The following DDR2 variants were observed in gnomAD, a reference collection of about 807,000 sequenced individuals.
DDR2 encodes discoidin domain-containing receptor 2.
A neutral mutation model predicts 94.9 loss-of-function variants in DDR2; 27 were observed. The ratio of observed to expected loss-of-function variants is 0.28; its 90% CI spans 0.21 to 0.39. The LOEUF (loss-of-function observed/expected upper bound fraction) is 0.39. DDR2 is among the 10% of genes least tolerant of loss of function. The probability of loss-of-function intolerance (pLI) is 1.00; values close to 1 mark genes in which losing one functional copy is unlikely to be tolerated. For missense variants in DDR2, 783 were observed against 1,076.0 expected, an observed-to-expected ratio of 0.73 and a Z score of 3.81; for synonymous variants, 382 against 377.2, an observed-to-expected ratio of 1.01 and a Z score of -0.15.
chr1:162,770,620 A>G (rs1399389393), intron 12 of DDR2, 108 bp downstream of exon 12: 2 of 1,114,550 alleles, frequency 1.8e-6, no homozygotes, highest in Admixed American at 3.9e-5. Context: ...AGTCTCTGCT[A>G]ACCTCCTGAG....
intron 11 of DDR2, 135 bp from the exon 12 acceptor site, chr1:162,770,167 G>C (rs969548175): frequency 7.1e-6 from 6 of 849,020 alleles, no homozygotes; most frequent in Admixed American, 1.7e-5. Flanking sequence ...TGCATTCCTA[G>C]CACGTGCAGT....
intron 3 of DDR2, among the ~76,000 whole-genome samples, chr1:162,736,890 G>A (rs1357347785): frequency 6.6e-6 from 1 of 152,230 alleles, no homozygotes; most frequent in African/African-American, 2.4e-5. Flanking sequence ...GGAACAACAA[G>A]GAGGCCAGTG....
At chr1:162,694,385 C>T (rs982767157) in intron 2 of DDR2, among the ~76,000 whole-genome samples, 2 of 152,054 alleles carry the variant, frequency 1.3e-5, no homozygotes, top group Non-Finnish European at 2.9e-5. Flanking sequence ...GAGGAAAGGC[C>T]CTTTAGTCTC....
At chr1:162,727,099 A>AAAATATAAACATATTTATATTTTGT in intron 3 of DDR2, among the ~76,000 whole-genome samples, 1 of 132,564 alleles carries the variant, frequency 7.5e-6, no homozygotes, top group African/African-American at 2.6e-5. Context: ...TTAATACATT[A>AAAATATAAACATATTTATATTTTGT]AAATATAAAC....
rs553461934 is a variant in DDR2, at chr1:162,763,694, G to C, written c.1099+2240G>C. On this transcript the variant is annotated intron_variant, in intron 9 of 17. Transcript: ENST00000367921. Reference sequence around the variant, plus strand: ...AATGGTATTTAGAAAACACAAACTGGGTAGTAGGGATGCTCATTACTAATA... The same window carrying C: ...AATGGTATTTAGAAAACACAAACTGCGTAGTAGGGATGCTCATTACTAATA... Among the ~76,000 whole-genome samples the C allele has an allele frequency of 5.7e-4, 87 of 151,968 alleles. 1 individual carries two copies. The highest frequency in any genetic ancestry group is 1.9e-3 in the African/African-American group (80 of 41,426).
chr1:162,753,264 T>C, intron 4 of DDR2, 67 bp downstream of exon 4: 1 of 1,435,302 alleles, frequency 7.0e-7, no homozygotes, highest in Non-Finnish European at 9.8e-7. Context: ...CACAGATTCC[T>C]GACCCTAGGG....
chr1:162,667,676 A>G (rs1012316637), intron 2 of DDR2, among the ~76,000 whole-genome samples: 10 of 152,210 alleles, frequency 6.6e-5, no homozygotes, highest in Admixed American at 6.6e-4. Flanking sequence ...TGTTTTATGC[A>G]ATGTTCTCAA....
intron 2 of DDR2, among the ~76,000 whole-genome samples, chr1:162,708,548 A>G (rs542786707): frequency 7.2e-5 from 11 of 152,292 alleles, no homozygotes; most frequent in South Asian, 6.2e-4. Context: ...CACTCACGGT[A>G]TTGATCAAGC....
rs1345633048 is a variant in DDR2 at position 162,780,909 on chromosome 1, A to G, written c.*663A>G. ...TCATATATGAAACAACTGGGGATGT[A>G]GATAGGAAAGAATGTCTGCTGCAAG... On this transcript the variant is annotated 3_prime_UTR_variant, in exon 18 of 18. Transcript: ENST00000367921. 3 of 152,628 alleles carry G rather than the reference A, an allele frequency of 2.0e-5. No homozygotes were observed. The highest frequency in any genetic ancestry group is 2.9e-5 in the Non-Finnish European group (2 of 68,406). The allele number at this position is 152,628 out of a possible 1,614,324, so 9.5% of individuals were successfully genotyped here. A position where few individuals can be genotyped will look rare whatever the true frequency, so the allele number is the denominator to read the frequency against.
At chr1:162,768,189 A>G (rs547752947) in intron 11 of DDR2, among the ~76,000 whole-genome samples, 1 of 152,306 alleles carries the variant, frequency 6.6e-6, no homozygotes, top group African/African-American at 2.4e-5. Context: ...CTTCAAAACT[A>G]TATTCATTTC....
chr1:162,694,198 C>A (rs1660082445), intron 2 of DDR2, among the ~76,000 whole-genome samples: 1 of 152,150 alleles, frequency 6.6e-6, no homozygotes, highest in African/African-American at 2.4e-5. Context: ...GATTTTAAGT[C>A]ACTGACTGGA....
At chr1:162,658,941 A>AT (rs1658159711) in intron 2 of DDR2, among the ~76,000 whole-genome samples, 1 of 152,216 alleles carries the variant, frequency 6.6e-6, no homozygotes, top group South Asian at 2.1e-4. Flanking sequence ...TCTGAAAAGC[A>AT]TAAGCTGAGA....
intron 3 of DDR2, chr1:162,741,459 C>A (rs1244399297): frequency 2.5e-6 from 1 of 398,032 alleles, no homozygotes; most frequent in Non-Finnish European, 3.4e-6. Flanking sequence ...GATACTCAAC[C>A]TGTATATATT....
chr1:162,673,177 A>C (rs978337046), intron 2 of DDR2, among the ~76,000 whole-genome samples: 7 of 152,196 alleles, frequency 4.6e-5, no homozygotes, highest in African/African-American at 1.7e-4. Flanking sequence ...AAATTAATAC[A>C]TCATTAAAAA....
chr1:162,683,264 G>A (rs1659500949), intron 2 of DDR2, among the ~76,000 whole-genome samples: 1 of 152,064 alleles, frequency 6.6e-6, no homozygotes, highest in Admixed American at 6.6e-5. Context: ...CCCTAAGACA[G>A]GGATCAAGGC....
chr1:162,767,459 A>G, intron 11 of DDR2, 100 bp downstream of exon 11: 3 of 1,508,446 alleles, frequency 2.0e-6, no homozygotes, highest in Non-Finnish European at 2.7e-6. Flanking sequence ...ACATTTATTA[A>G]TGGTTGGAAT....
At chr1:162,722,304 T>C (rs1661460109) in intron 3 of DDR2, among the ~76,000 whole-genome samples, 2 of 152,122 alleles carry the variant, frequency 1.3e-5, no homozygotes, top group African/African-American at 4.8e-5. Context: ...AAAGGTAGCA[T>C]TGTCAATGGG....
At position 162,633,432 on chromosome 1, in the gene DDR2, G is replaced by A. The variant is rs1007793568; in HGVS notation, c.-192+801G>A. On this transcript the variant is annotated intron_variant, in intron 1 of 17. Coordinates refer to ENST00000367921, the MANE Select transcript of DDR2 (RefSeq NM_006182.4). ...GTAGGGGGTTCAGCACCATTTTGCC[G>A]ATCATTGGCTTCCTACAACACAGAG... 9.9e-5 allele frequency among the ~76,000 whole-genome samples: 15 copies of A among 152,278 alleles called. No homozygotes were observed. The East Asian group carries it at 2.1e-3, about 22-fold the overall frequency.
chr1:162,718,992 C>T, intron 2 of DDR2, 45 bp from the exon 3 acceptor site: 3 of 1,578,440 alleles, frequency 1.9e-6, no homozygotes, highest in South Asian at 1.1e-5. Flanking sequence ...TCACTCATTT[C>T]CTCTCCTTCT....
Sources: gnomAD v4.1 joint callset for allele counts (sites outside exome capture counted in the v4.1 genomes callset) on GRCh38, gnomAD v4.1.1 for gene constraint, MANE v1.5 for transcripts, NCBI Gene and HGNC (gene_info 2026-07-23, HGNC 2026-07-21) for gene names.